MMS22L: variants seen among roughly 807,000 people sequenced by gnomAD.
MMS22L encodes the protein MMS22 like, DNA repair protein.
In MMS22L, 74 loss-of-function variants were observed where a neutral mutation model predicts 159.1. That is an observed-to-expected ratio of 0.47 (90% CI 0.39 to 0.56). The LOEUF (loss-of-function observed/expected upper bound fraction) is 0.56, where lower values mean the gene tolerates loss of function less well. Ranked by LOEUF, MMS22L falls within the 20% of genes least tolerant of loss-of-function variation. The probability of loss-of-function intolerance (pLI) is 0.00; values close to 1 mark genes in which losing one functional copy is unlikely to be tolerated. For synonymous variants in MMS22L, 517 were observed against 506.9 expected (o/e 1.02, Z -0.27); for missense variants, 1,351 against 1,422.1 (o/e 0.95, Z 0.80).
At chr6:97,192,477 T>C (rs1411599429) in intron 14 of MMS22L, among the ~76,000 whole-genome samples, 2 of 152,176 alleles carry the variant, frequency 1.3e-5, no homozygotes, top group Non-Finnish European at 2.9e-5. Flanking sequence ...TGCTAAAGCA[T>C]TAAAGTCACA....
Position 97,179,572 on chromosome 6 carries a change from AT to A in MMS22L, c.2385-14del, listed in dbSNP as rs1443816059. 1 of 1,582,288 alleles carries A rather than the reference AT, an allele frequency of 6.3e-7. No homozygotes were observed. The highest frequency in any genetic ancestry group is 1.2e-5 in the South Asian group (1 of 85,128). ...TTCACATAATGTGCTGTAGAAACAA[AT>A]TGACAAATATTTTTAAAACAAAAAC... On this transcript the variant is annotated splice_polypyrimidine_tract_variant and intron_variant, in intron 16 of 24. Transcript: ENST00000683635.
intron 9 of MMS22L, 60 bp from the exon 10 acceptor site, chr6:97,254,793 G>A (rs1041895275): frequency 3.7e-5 from 50 of 1,362,732 alleles, no homozygotes; most frequent in Non-Finnish European, 4.5e-5. Context: ...TTGATTTCGT[G>A]GTTTTTCTCT....
rs954569681 is a variant in MMS22L, at chr6:97,151,658, C to T, written c.3482+113G>A. On this transcript the variant is annotated intron_variant, in intron 23 of 24. Coordinates refer to ENST00000683635, the MANE Select transcript of MMS22L (RefSeq NM_001350599.2). Reference sequence around the variant, plus strand: ...TGCCAAAAATACAATAATTGAAATACTATAAACAAGTAGTAACACATTATG... The same window carrying T: ...TGCCAAAAATACAATAATTGAAATATTATAAACAAGTAGTAACACATTATG... 13 of 797,758 alleles carry T rather than the reference C, an allele frequency of 1.6e-5. No individual in the cohort carries two copies. In the African/African-American group the frequency reaches 2.2e-4, roughly 14 times the overall value. 49.4% of individuals were successfully genotyped at this position (797,758 alleles called of 1,614,324 possible). A position where few individuals can be genotyped will look rare whatever the true frequency, so the allele number is the denominator to read the frequency against.
intron 20 of MMS22L, among the ~76,000 whole-genome samples, chr6:97,167,691 A>C (rs1411205461): frequency 1.3e-5 from 2 of 151,954 alleles, no homozygotes; most frequent in African/African-American, 2.4e-5. Context: ...GCCCTTGTAC[A>C]TGTTGCTCCC....
intron 15 of MMS22L, among the ~76,000 whole-genome samples, chr6:97,183,126 A>G (rs934144019): frequency 1.3e-5 from 2 of 152,024 alleles, no homozygotes; most frequent in African/African-American, 4.8e-5. Flanking sequence ...AAAGTACCCC[A>G]ATTTTTGACT....
chr6:97,179,599 G>A (rs558964243), intron 16 of MMS22L, 40 bp from the exon 17 acceptor site: 8 of 1,557,570 alleles, frequency 5.1e-6, no homozygotes, highest in Non-Finnish European at 7.0e-6. Flanking sequence ...AAACAAAAAC[G>A]TTTCCTGAGT....
chr6:97,172,269 TAC>T (rs1289347465), intron 19 of MMS22L, among the ~76,000 whole-genome samples: 1 of 152,192 alleles, frequency 6.6e-6, no homozygotes, highest in Admixed American at 6.5e-5. Context: ...CTTCTATATT[TAC>T]ACATTTTCAC....
At chr6:97,159,470 T>C (rs899271269) in intron 22 of MMS22L, among the ~76,000 whole-genome samples, 5 of 152,020 alleles carry the variant, frequency 3.3e-5, no homozygotes. Context: ...TTGTTATACT[T>C]ATTATATAAT....
In MMS22L at chr6:97,143,584, A is replaced by C. The variant is rs1316998023; in HGVS notation, c.*3222T>G. 1.3e-5 allele frequency: 2 copies of C among 152,242 alleles called. No homozygotes were observed. Among genetic ancestry groups the C allele is most frequent in the Non-Finnish European group, 2.9e-5 (2 of 68,064 alleles). The allele number at this position is 152,242 out of a possible 1,614,324, so 9.4% of individuals were successfully genotyped here. A position where few individuals can be genotyped will look rare whatever the true frequency, so the allele number is the denominator to read the frequency against. ...AAATAAGTAGTGCCCAACAGAAAAA[A>C]CAAACAACCAGTGGATGCAAGGCAC... On this transcript the variant is annotated 3_prime_UTR_variant, in exon 25 of 25. Transcript: ENST00000683635.
intron 22 of MMS22L, among the ~76,000 whole-genome samples, chr6:97,160,666 T>A (rs1296478647): frequency 6.6e-6 from 1 of 152,028 alleles, no homozygotes; most frequent in African/African-American, 2.4e-5. Context: ...CTTGAAAAAA[T>A]TTTAGAAATT....
chr6:97,221,740 G>A lies in MMS22L; in HGVS notation c.2039+7154C>T, dbSNP rs549711657. ...CTACTTGGTTTTTCAAATAAAAACT[G>A]GTAATAGATTTTATTACCATGAGGG... On this transcript the variant is annotated intron_variant, in intron 14 of 24. Transcript: ENST00000683635. Among the ~76,000 whole-genome samples, 7 of 152,028 alleles carry A rather than the reference G, an allele frequency of 4.6e-5. No homozygotes were observed. In the South Asian group the frequency reaches 1.5e-3, roughly 32 times the overall value.
Position 97,267,736 on chromosome 6 carries a change from T to C in MMS22L, c.828+136A>G, listed in dbSNP as rs570006205. 3.1e-5 allele frequency: 23 copies of C among 733,228 alleles called. No homozygotes were observed. In the African/African-American group the frequency reaches 4.2e-4, roughly 13 times the overall value. 45.4% of individuals were successfully genotyped at this position (733,228 alleles called of 1,614,324 possible). On this transcript the variant is annotated intron_variant, in intron 8 of 24. Coordinates refer to ENST00000683635, the MANE Select transcript of MMS22L (RefSeq NM_001350599.2). ...AATAAAAATTGTTTTCCCTTTCAGC[T>C]CCCAGATAATAGCAACTAAATATAA... is the stretch of plus-strand genomic sequence containing the variant.
At chr6:97,258,385 C>G (rs1032594587) in intron 9 of MMS22L, among the ~76,000 whole-genome samples, 4 of 152,122 alleles carry the variant, frequency 2.6e-5, no homozygotes, top group Non-Finnish European at 5.9e-5. Context: ...TTCAAAGACT[C>G]GTTTCCTTTC....
intron 14 of MMS22L, among the ~76,000 whole-genome samples, chr6:97,201,063 A>T (rs1807096919): frequency 6.6e-6 from 1 of 152,158 alleles, no homozygotes. Context: ...TAAAGTCCTT[A>T]TAAGAAAGTA....
intron 14 of MMS22L, among the ~76,000 whole-genome samples, chr6:97,228,579 A>G (rs1039365729): frequency 1.8e-4 from 27 of 152,258 alleles, no homozygotes; most frequent in African/African-American, 5.8e-4. Context: ...TATGTGAAAC[A>G]TAACTGAATT....
At chr6:97,202,715 C>T (rs1038605489) in intron 14 of MMS22L, among the ~76,000 whole-genome samples, 3 of 152,020 alleles carry the variant, frequency 2.0e-5, no homozygotes, top group African/African-American at 7.3e-5. Flanking sequence ...CACTATAAAC[C>T]ATCTTTGTTC....
chr6:97,207,510 C>G (rs1169135180), intron 14 of MMS22L, among the ~76,000 whole-genome samples: 3 of 152,058 alleles, frequency 2.0e-5, no homozygotes, highest in Non-Finnish European at 2.9e-5. Flanking sequence ...AGGTCATCAC[C>G]CTATTTCAAA....
At chr6:97,206,410 C>CACAT (rs1411850718) in intron 14 of MMS22L, among the ~76,000 whole-genome samples, 1 of 149,608 alleles carries the variant, frequency 6.7e-6, no homozygotes, top group Non-Finnish European at 1.5e-5. Context: ...CACACACACA[C>CACAT]TAGACCTTCA....
intron 14 of MMS22L, among the ~76,000 whole-genome samples, chr6:97,189,263 T>TAA (rs10707402): frequency 1.4e-5 from 2 of 139,370 alleles, no homozygotes; most frequent in Non-Finnish European, 1.6e-5. Context: ...CCATTAGGTT[T>TAA]AAAAAAAAAA....
Sources: allele counts gnomAD v4.1 joint callset (sites outside exome capture counted in the v4.1 genomes callset), GRCh38; gene constraint gnomAD v4.1.1; transcripts MANE v1.5; gene names NCBI Gene and HGNC (gene_info 2026-07-23, HGNC 2026-07-21).